The following TBXAS1 variants were observed in gnomAD, a reference collection of about 807,000 sequenced individuals.
TBXAS1 encodes the protein thromboxane-A synthase.
In TBXAS1, 48 loss-of-function variants were observed where a neutral mutation model predicts 60.7. The observed-to-expected ratio is 0.79, with a 90% CI of 0.63 to 1.01. The LOEUF (loss-of-function observed/expected upper bound fraction) is 1.01. Ranked by LOEUF, TBXAS1 falls within the 50% of genes least tolerant of loss-of-function variation. The probability of loss-of-function intolerance (pLI) is 0.00; values close to 1 mark genes in which losing one functional copy is unlikely to be tolerated. For synonymous variants in TBXAS1, 287 were observed against 269.7 expected (o/e 1.06, Z -0.63); for missense variants, 685 against 686.3 (o/e 1.00, Z 0.02).
chr7:139,955,499 G>C lies in TBXAS1; in HGVS notation c.580G>C (p.Ala194Pro), dbSNP rs769131779. The change falls in exon 7 of 13, where the codon GCC (alanine) becomes CCC (proline). Residue 194 changes from alanine to proline, a missense_variant. Coordinates refer to ENST00000448866, the MANE Select transcript of TBXAS1 (RefSeq NM_001061.7). Reference protein sequence around the residue: ...NYTTDVVASVAFGTPVDSWQA... With the variant: ...NYTTDVVASVPFGTPVDSWQA... ...CACCACAGATGTGGTTGCCAGCGTC[G>C]CCTTTGGCACCCCGGTGGACTCCTG... The C allele has an allele frequency of 6.2e-7, 1 of 1,614,194 alleles. No homozygotes were observed. Among genetic ancestry groups the C allele is most frequent in the Admixed American group, 1.7e-5 (1 of 60,034 alleles).
chr7:139,960,810 A>G (rs1810271652), intron 8 of TBXAS1, among the ~76,000 whole-genome samples: 1 of 152,136 alleles, frequency 6.6e-6, no homozygotes. Flanking sequence ...TTCAGAAGCC[A>G]GTGAACTGAG....
intron 10 of TBXAS1, among the ~76,000 whole-genome samples, chr7:140,009,863 C>A (rs1464505250): frequency 8.2e-6 from 1 of 121,270 alleles, no homozygotes; most frequent in Admixed American, 8.4e-5. Flanking sequence ...CCGCCCCACA[C>A]CTGCTCCACA....
intron 4 of TBXAS1, among the ~76,000 whole-genome samples, chr7:139,823,757 G>A (rs1369595254): frequency 6.6e-6 from 1 of 152,210 alleles, no homozygotes; most frequent in African/African-American, 2.4e-5. Context: ...TGTGTTACAT[G>A]TATGACCTCA....
At chr7:139,945,489 C>G (rs961445449) in intron 5 of TBXAS1, among the ~76,000 whole-genome samples, 1 of 152,152 alleles carries the variant, frequency 6.6e-6, no homozygotes, top group Non-Finnish European at 1.5e-5. Flanking sequence ...TCTTGGGTAC[C>G]TTCTATGTCA....
intron 3 of TBXAS1, among the ~76,000 whole-genome samples, chr7:139,905,007 C>CTTTT (rs1263559150): frequency 1.8e-4 from 11 of 61,670 alleles, no homozygotes; most frequent in African/African-American, 8.3e-4. Context: ...CTCTTTCTCT[C>CTTTT]TTTCTTTCTT....
At chr7:139,862,557 A>G (rs948392143) in intron 1 of TBXAS1, among the ~76,000 whole-genome samples, 1 of 152,232 alleles carries the variant, frequency 6.6e-6, no homozygotes, top group African/African-American at 2.4e-5. Flanking sequence ...AAGGAAACTT[A>G]CTGGGAAGGA....
chr7:139,967,658 A>G (rs962398519), intron 9 of TBXAS1, among the ~76,000 whole-genome samples: 5 of 152,108 alleles, frequency 3.3e-5, no homozygotes, highest in Admixed American at 3.3e-4. Context: ...CATGTGCCCC[A>G]TCCTTGGAGT....
chr7:139,832,414 A>C (rs969523952), intron 1 of TBXAS1, among the ~76,000 whole-genome samples: 1 of 151,670 alleles, frequency 6.6e-6, no homozygotes, highest in Non-Finnish European at 1.5e-5. Flanking sequence ...AAGACAAAGA[A>C]AAAAAATAAA....
Position 140,018,832 on chromosome 7 carries a change from CTCAT to C in TBXAS1, c.1527+1007_1527+1010del, listed in dbSNP as rs1413789500. 4.6e-5 allele frequency among the ~76,000 whole-genome samples: 7 copies of C among 152,352 alleles called. No individual in the cohort carries two copies. The East Asian group carries it at 1.4e-3, about 29-fold the overall frequency. ...ATGCCAGGCGCATGACAGGTGCTCACTCATTCATTCAACAAACATTAATGAGCAA... is the reference window on the plus strand; with the variant it reads ...ATGCCAGGCGCATGACAGGTGCTCACTCATTCAACAAACATTAATGAGCAA... On this transcript the variant is annotated intron_variant, in intron 12 of 12. Transcript: ENST00000448866.
intron 9 of TBXAS1, among the ~76,000 whole-genome samples, chr7:139,973,844 T>C (rs1337707808): frequency 1.3e-5 from 2 of 152,200 alleles, no homozygotes; most frequent in Non-Finnish European, 2.9e-5. Context: ...TTTCAAAGCC[T>C]CATTCCTCGA....
chr7:140,008,492 G>A (rs1585048624), intron 10 of TBXAS1, among the ~76,000 whole-genome samples: 1 of 143,604 alleles, frequency 7.0e-6, no homozygotes, highest in African/African-American at 2.6e-5. Context: ...CTGTTGCCCA[G>A]GCTGGAGGGC....
intron 5 of TBXAS1, among the ~76,000 whole-genome samples, chr7:139,951,593 T>TAAAAAAA (rs66551791): frequency 0.026 from 1,692 of 66,226 alleles, 48 homozygotes; most frequent in Middle Eastern, 0.038. Flanking sequence ...CCGTCTCTAC[T>TAAAAAAA]AAAAAAAAAA....
intron 12 of TBXAS1, 21 bp downstream of exon 12, chr7:140,017,854 G>C (rs753835300): frequency 1.2e-6 from 2 of 1,613,808 alleles, no homozygotes; most frequent in Admixed American, 3.3e-5. Flanking sequence ...CCTGCTCAGA[G>C]GCAGGGGCAG....
intron 1 of TBXAS1, among the ~76,000 whole-genome samples, chr7:139,871,115 A>G (rs115921088): frequency 0.046 from 7,069 of 152,264 alleles, 523 homozygotes; most frequent in African/African-American, 0.16. Context: ...GCAAACCAGC[A>G]CTTAAGCTGT....
intron 8 of TBXAS1, among the ~76,000 whole-genome samples, chr7:139,958,354 A>G (rs1810043978): frequency 6.6e-6 from 1 of 152,242 alleles, no homozygotes; most frequent in Non-Finnish European, 1.5e-5. Flanking sequence ...CTTGGCACAT[A>G]GTAGGAATCA....
At chr7:139,931,708 T>A (rs866628429) in intron 4 of TBXAS1, among the ~76,000 whole-genome samples, 5 of 152,030 alleles carry the variant, frequency 3.3e-5, no homozygotes, top group Non-Finnish European at 2.9e-5. Flanking sequence ...TTCAATTTCC[T>A]CCCACCAGGT....
intron 3 of TBXAS1, among the ~76,000 whole-genome samples, chr7:139,877,483 C>G (rs1330488056): frequency 6.6e-6 from 1 of 152,100 alleles, no homozygotes; most frequent in East Asian, 1.9e-4. Flanking sequence ...AGTGCAGTGG[C>G]ATGATCTCAG....
In TBXAS1 at chr7:139,794,735, A is replaced by G. The variant is rs1208049884; in HGVS notation, c.-80+7309A>G. Reference sequence around the variant, plus strand: ...TGTGTCCATGTGATCTCATTGTTCAATTCCCACCTATGAGTGAGAATATGC... The same window carrying G: ...TGTGTCCATGTGATCTCATTGTTCAGTTCCCACCTATGAGTGAGAATATGC... On this transcript the variant is annotated intron_variant, in intron 4 of 16. Transcript: ENST00000336425. Among the ~76,000 whole-genome samples, 8 of 141,230 alleles carry G rather than the reference A, an allele frequency of 5.7e-5. No individual in the cohort carries two copies. In the East Asian group the frequency reaches 8.5e-4, roughly 15 times the overall value. The allele number at this position is 141,230 out of a possible 152,430, so 92.7% of individuals were successfully genotyped here. A position where few individuals can be genotyped will look rare whatever the true frequency, so the allele number is the denominator to read the frequency against.
intron 9 of TBXAS1, among the ~76,000 whole-genome samples, chr7:139,964,769 A>G (rs1810650280): frequency 6.6e-6 from 1 of 152,244 alleles, no homozygotes. Context: ...TTTCCTTCCA[A>G]ACACAGGCCT....
Sources: allele counts gnomAD v4.1 joint callset (sites outside exome capture counted in the v4.1 genomes callset), GRCh38; gene constraint gnomAD v4.1.1; transcripts MANE v1.5; gene names NCBI Gene and HGNC (gene_info 2026-07-23, HGNC 2026-07-21).